Variants in UTP6 observed in about 807,000 individuals in gnomAD.
The protein encoded by UTP6 is U3 small nucleolar RNA-associated protein 6 homolog.
In UTP6, 60 loss-of-function variants were observed where a neutral mutation model predicts 96.5. The ratio of observed to expected loss-of-function variants is 0.62; its 90% confidence interval spans 0.51 to 0.77. The LOEUF is 0.77. UTP6 is among the 30% of genes least tolerant of loss of function. UTP6 has a pLI of 0.00. For missense variants in UTP6, 637 were observed against 706.5 expected, an observed-to-expected ratio of 0.90 and a Z score of 1.12; for synonymous variants, 215 against 240.1, an observed-to-expected ratio of 0.90 and a Z score of 0.96.
intron 10 of UTP6, among the ~76,000 whole-genome samples, chr17:31,881,457 T>G (rs529071821): frequency 5.3e-5 from 8 of 151,994 alleles, no homozygotes; most frequent in Non-Finnish European, 8.8e-5. Flanking sequence ...TTGGGAGAGA[T>G]GAGTTTTCAC....
chr17:31,868,213 T>A, intron 16 of UTP6, 101 bp from the exon 17 acceptor site: 1 of 1,026,268 alleles, frequency 9.7e-7, no homozygotes, highest in Non-Finnish European at 1.4e-6. Context: ...ACACATGGTT[T>A]AATAAAGACT....
chr17:31,882,563 C>T (rs1237831814), intron 10 of UTP6, among the ~76,000 whole-genome samples: 3 of 152,136 alleles, frequency 2.0e-5, no homozygotes, highest in African/African-American at 2.4e-5. Context: ...TCAAGTGATC[C>T]GCCCACCTCG....
rs183585968 is a variant in UTP6 at position 31,867,817 on chromosome 17, A to C, written c.1563+229T>G. 2.4e-4 allele frequency among the ~76,000 whole-genome samples: 36 copies of C among 152,120 alleles called. No homozygotes were observed. The East Asian group carries it at 5.8e-3, about 25-fold the overall frequency. ...CTAAAAATACAAAAATTGGCTGGGC[A>C]TGGTGGCGTGTGCCTATAGTCCCAG... On this transcript the variant is annotated intron_variant, in intron 17 of 18. Transcript: ENST00000261708.
rs56366914 is a variant in UTP6 at position 31,863,071 on chromosome 17, T to C, written c.*288A>G. ...CAGATTAGCACATCAAACTGAGCAG[T>C]GTCATGCACCTATAATCCCAGCTAC... On this transcript the variant is annotated 3_prime_UTR_variant, in exon 19 of 19. Coordinates refer to ENST00000261708, the MANE Select transcript of UTP6 (RefSeq NM_018428.3). 2.6e-5 allele frequency: 9 copies of C among 348,876 alleles called. No homozygotes were observed. The highest frequency in any genetic ancestry group is 4.4e-5 in the Admixed American group (1 of 22,570). 21.6% of individuals were successfully genotyped at this position (348,876 alleles called of 1,614,324 possible).
At position 31,878,785 on chromosome 17, in the gene UTP6, G is replaced by C. The variant is rs1855052108; in HGVS notation, c.968-4C>G. 1.9e-6 allele frequency: 3 copies of C among 1,613,534 alleles called. No individual in the cohort carries two copies. The highest frequency in any genetic ancestry group is 2.5e-6 in the Non-Finnish European group (3 of 1,179,768). On this transcript the variant is annotated splice_polypyrimidine_tract_variant and splice_region_variant and intron_variant, in intron 11 of 18. Coordinates refer to ENST00000261708, the MANE Select transcript of UTP6 (RefSeq NM_018428.3). Reference sequence around the variant, plus strand: ...ATGTAACACTTCCACATGGCCTCTGGAAAAGTCAGAAAGATTGTGTTGATC... The same window carrying C: ...ATGTAACACTTCCACATGGCCTCTGCAAAAGTCAGAAAGATTGTGTTGATC...
intron 18 of UTP6, among the ~76,000 whole-genome samples, chr17:31,865,121 C>T (rs1161993290): frequency 1.3e-5 from 2 of 152,144 alleles, no homozygotes; most frequent in Non-Finnish European, 2.9e-5. Context: ...CAGGCTCAAG[C>T]GATTCTCCTG....
chr17:31,869,379 G>A (rs1418598533), intron 16 of UTP6, among the ~76,000 whole-genome samples: 1 of 152,084 alleles, frequency 6.6e-6, no homozygotes, highest in Non-Finnish European at 1.5e-5. Flanking sequence ...TGTTGCTCAG[G>A]CTGGTCTTCA....
rs199776796 is a variant in UTP6, at chr17:31,865,323, G to A, written c.1636+43C>T. On this transcript the variant is annotated intron_variant, in intron 18 of 18. Transcript: ENST00000261708. The stretch of plus-strand genomic sequence containing the variant: ...CCACTGTACTCAGCCAAGAAACACT[G>A]TTCTAACCATACTAATTGGTCACAA... The A allele has an allele frequency of 2.0e-4, 323 of 1,594,824 alleles. No individual in the cohort carries two copies. The African/African-American group carries it at 4.0e-3, about 20-fold the overall frequency.
intron 10 of UTP6, among the ~76,000 whole-genome samples, chr17:31,883,160 C>T (rs1377134855): frequency 6.6e-6 from 1 of 151,482 alleles, no homozygotes; most frequent in Non-Finnish European, 1.5e-5. Flanking sequence ...ATAGTGAGAC[C>T]TCATCTCTAT....
At chr17:31,866,071 C>T (rs904372078) in intron 17 of UTP6, among the ~76,000 whole-genome samples, 13 of 151,966 alleles carry the variant, frequency 8.6e-5, no homozygotes, top group Admixed American at 8.5e-4. Flanking sequence ...GTGGCTCACA[C>T]GGTCAGGAGA....
At chr17:31,865,696 A>G (rs940096405) in intron 17 of UTP6, among the ~76,000 whole-genome samples, 1 of 152,238 alleles carries the variant, frequency 6.6e-6, no homozygotes, top group African/African-American at 2.4e-5. Flanking sequence ...GGACATGGGC[A>G]GCTTCACAGA....
chr17:31,865,585 GA>G, intron 17 of UTP6, 147 bp from the exon 18 acceptor site: 1 of 715,338 alleles, frequency 1.4e-6, no homozygotes, highest in Non-Finnish European at 2.2e-6. Context: ...ACTTTTCTAG[GA>G]AAAAAATCAA....
chr17:31,880,272 T>A, intron 11 of UTP6: 1 of 343,474 alleles, frequency 2.9e-6, no homozygotes, highest in Non-Finnish European at 5.6e-6. Flanking sequence ...TACAAAAAAA[T>A]TAGCTGGGCA....
intron 4 of UTP6, among the ~76,000 whole-genome samples, chr17:31,894,376 C>T (rs1044623222): frequency 2.7e-5 from 4 of 150,598 alleles, no homozygotes; most frequent in African/African-American, 9.8e-5. Flanking sequence ...CAAATATATA[C>T]AAATATCTCC....
At chr17:31,889,239 C>T in intron 7 of UTP6, 46 bp downstream of exon 7, 1 of 1,459,772 alleles carries the variant, frequency 6.9e-7, no homozygotes, top group Non-Finnish European at 9.4e-7. Context: ...CTCCAGAGGA[C>T]CAAACTGAAA....
At position 31,895,030 on chromosome 17, in the gene UTP6, C is replaced by CA; in HGVS notation, c.178-20dup. On this transcript the variant is annotated intron_variant, in intron 2 of 18. Transcript: ENST00000261708. ...TTTCATACTATGAAAGAAAAACATA[C>CA]AAAAAAATGAGAAGCTAGAAAATCT... The CA allele has an allele frequency of 6.7e-7, 1 of 1,502,640 alleles. No homozygotes were observed. The highest frequency in any genetic ancestry group is 2.5e-5 in the Admixed American group (1 of 40,648). The allele number at this position is 1,502,640 out of a possible 1,614,324, so 93.1% of individuals were successfully genotyped here. A position where few individuals can be genotyped will look rare whatever the true frequency, so the allele number is the denominator to read the frequency against.
At chr17:31,901,391 G>A in intron 1 of UTP6, 145 bp downstream of exon 1, 1 of 705,502 alleles carries the variant, frequency 1.4e-6, no homozygotes, top group Non-Finnish European at 2.4e-6. Flanking sequence ...ATTAATTCTG[G>A]ACATCACCGA....
intron 10 of UTP6, 67 bp downstream of exon 10, chr17:31,884,357 C>A (rs1428869658): frequency 1.6e-6 from 2 of 1,289,592 alleles, no homozygotes; most frequent in Non-Finnish European, 2.1e-6. Context: ...TACTAAATAT[C>A]CAACCTCAAA....
At chr17:31,875,527 T>C in intron 13 of UTP6, 114 bp from the exon 14 acceptor site, 9 of 1,264,850 alleles carry the variant, frequency 7.1e-6, no homozygotes, top group Middle Eastern at 2.1e-4. Flanking sequence ...TCCACTACAA[T>C]TTAAAATAAA....
Sources: allele counts gnomAD v4.1 joint callset (sites outside exome capture counted in the v4.1 genomes callset), GRCh38; gene constraint gnomAD v4.1.1; transcripts MANE v1.5; gene names NCBI Gene and HGNC (gene_info 2026-07-23, HGNC 2026-07-21).